Variants in ATG16L2 observed in about 807,000 individuals in gnomAD.
The protein encoded by ATG16L2 is autophagy related 16 like 2, also known as protein Atg16l2.
In ATG16L2, 77 loss-of-function variants were observed where a neutral mutation model predicts 84.7. That is an observed-to-expected ratio of 0.91 (90% CI 0.76 to 1.10). ATG16L2 has a LOEUF of 1.10. ATG16L2 is among the 50% of genes least tolerant of loss of function. The pLI, the probability that ATG16L2 is intolerant of heterozygous loss-of-function variation, is 0.00. For missense variants in ATG16L2, 782 were observed against 817.6 expected (o/e 0.96, Z 0.53); for synonymous variants, 361 against 342.8 (o/e 1.05, Z -0.59).
At position 72,826,721 on chromosome 11, in the gene ATG16L2, A is replaced by G; in HGVS notation, c.1264A>G (p.Lys422Glu). 6.2e-7 allele frequency: 1 copy of G among 1,614,114 alleles called. No homozygotes were observed. Among genetic ancestry groups the G allele is most frequent in the Non-Finnish European group, 8.5e-7 (1 of 1,180,004 alleles). ...AQSKETLSGH[K>E]DKVTAAKFKL... ...GGTACAGGAGACACTGTCTGGACAC[A>G]AGGATAAGGTGACAGCTGCCAAATT... is the stretch of plus-strand genomic sequence containing the variant. Residue 422 changes from lysine to glutamate, a missense_variant, in exon 13 of 18, where the codon AAG (lysine) becomes GAG (glutamate). Transcript: ENST00000321297.
intron 5 of ATG16L2, among the ~76,000 whole-genome samples, chr11:72,835,658 T>A (rs1183935573): frequency 1.3e-5 from 2 of 152,150 alleles, no homozygotes; most frequent in African/African-American, 2.4e-5. Context: ...AGGAAGCCAA[T>A]TTGGCAAAAT....
intron 5 of ATG16L2, chr11:72,841,416 G>A (rs368736333): frequency 3.3e-5 from 52 of 1,559,246 alleles, no homozygotes; most frequent in South Asian, 2.4e-4. Flanking sequence ...TTTCTGAAGT[G>A]AAAATGCATT....
chr11:72,822,141 C>A lies in ATG16L2; in HGVS notation c.490C>A (p.Arg164=). 1 of 1,500,638 alleles carries A rather than the reference C, an allele frequency of 6.7e-7. No homozygotes were observed. The highest frequency in any genetic ancestry group is 1.4e-5 in the African/African-American group (1 of 70,156). 93.0% of individuals were successfully genotyped at this position (1,500,638 alleles called of 1,614,324 possible). The change falls in exon 5 of 18, where the codon CGG becomes AGG. Residue 164 remains arginine, a synonymous_variant. Coordinates refer to ENST00000321297, the MANE Select transcript of ATG16L2 (RefSeq NM_033388.2). This position sits in a 1 kb window ranked among gnomAD's most constrained non-coding sequence, Gnocchi z 4.2. ...EEWRAQNAVQ[R]AAYEALRAHV... is the part of the protein sequence containing the mutation. Reference sequence around the variant, plus strand: ...GTGGCGGGCGCAGAATGCGGTGCAGCGGGCAGCCTACGAGGCGCTGCGCGC... The same window carrying A: ...GTGGCGGGCGCAGAATGCGGTGCAGAGGGCAGCCTACGAGGCGCTGCGCGC...
At position 72,825,310 on chromosome 11, in the gene ATG16L2, C is replaced by T; in HGVS notation, c.1005C>T (p.His335=). 1 of 1,613,430 alleles carries T rather than the reference C, an allele frequency of 6.2e-7. No individual in the cohort carries two copies. The highest frequency in any genetic ancestry group is 8.5e-7 in the Non-Finnish European group (1 of 1,179,876). The change falls in exon 10 of 18, where the codon CAC becomes CAT. Residue 335 remains histidine (H), a synonymous_variant. Coordinates refer to ENST00000321297, the MANE Select transcript of ATG16L2 (RefSeq NM_033388.2). ...PTRAQDVLDA[H]LSEVNAVRFG... ...CTCCCCTTTCCCCACAGGATGCCCA[C>T]CTCTCTGAGGTCAATGCTGTTCGTT...
rs1291412222 is a variant in ATG16L2, at chr11:72,826,730, G to A, written c.1273G>A (p.Val425Met). 1.2e-6 allele frequency: 2 copies of A among 1,614,138 alleles called. No homozygotes were observed. Among genetic ancestry groups the A allele is most frequent in the Non-Finnish European group, 1.7e-6 (2 of 1,180,022 alleles). Residue 425 changes from valine to methionine, a missense_variant, in exon 13 of 18, where the codon GTG becomes ATG. Transcript: ENST00000321297. ...KETLSGHKDK[V>M]TAAKFKLTRH... is the part of the protein sequence containing the mutation. ...GACACTGTCTGGACACAAGGATAAG[G>A]TGACAGCTGCCAAATTCAAGCTAAC...
At chr11:72,840,483 T>C (rs573541908) in intron 5 of ATG16L2, among the ~76,000 whole-genome samples, 120 of 152,344 alleles carry the variant, frequency 7.9e-4, no homozygotes, top group African/African-American at 2.8e-3. Context: ...ATAAACGCTC[T>C]TTAAGGCCAT....
chr11:72,821,268 T>G (rs1859975311), intron 3 of ATG16L2: 2 of 1,018,952 alleles, frequency 2.0e-6, no homozygotes, highest in Non-Finnish European at 2.4e-6. Flanking sequence ...GGGAACATCA[T>G]GGCGCCCGAG....
intron 8 of ATG16L2, 138 bp from the exon 9 acceptor site, chr11:72,824,596 G>A: frequency 2.9e-6 from 2 of 694,042 alleles, no homozygotes; most frequent in East Asian, 2.7e-5. Context: ...GTTGGGGAAT[G>A]CTCTCGCTGC....
intron 5 of ATG16L2, chr11:72,836,633 C>G (rs1300315270): frequency 6.6e-6 from 1 of 152,508 alleles, no homozygotes. Context: ...TTTCTCCTCT[C>G]TCTGTCTGTT....
chr11:72,829,562 C>T lies in ATG16L2; in HGVS notation c.*172C>T, dbSNP rs1032203254. The T allele has an allele frequency of 4.2e-5, 58 of 1,374,526 alleles. 1 individual carries two copies. The highest frequency in any genetic ancestry group is 1.6e-4 in the Admixed American group (5 of 31,370). The allele number at this position is 1,374,526 out of a possible 1,614,324, so 85.1% of individuals were successfully genotyped here. ...AAATGAAGTATGGGTTGGGGGATTA[C>T]GCTAGTTTTTCTTTGTATTTTTATC... is the stretch of plus-strand genomic sequence containing the variant. On this transcript the variant is annotated 3_prime_UTR_variant, in exon 18 of 18. Transcript: ENST00000321297.
intron 7 of ATG16L2, chr11:72,823,760 C>T (rs1565266365): frequency 1.9e-6 from 1 of 522,550 alleles, no homozygotes; most frequent in Non-Finnish European, 3.7e-6. Flanking sequence ...TCTCTCCTCC[C>T]TGTAGGCCCC....
At chr11:72,831,309 C>T (rs1160946222), downstream of ATG16L2, among the ~76,000 whole-genome samples, 1 of 152,324 alleles carries the variant, frequency 6.6e-6, no homozygotes, top group East Asian at 1.9e-4. Flanking sequence ...GAGTTCAAGA[C>T]CAACCTGAGC....
intron 3 of ATG16L2, chr11:72,818,552 A>G (rs541906595): frequency 1.3e-5 from 2 of 152,078 alleles, no homozygotes; most frequent in African/African-American, 4.8e-5. Flanking sequence ...CAGGCTCACC[A>G]TCTCCCCCAG....
chr11:72,822,425 G>T lies in ATG16L2; in HGVS notation c.645-53G>T. 6.2e-7 allele frequency: 1 copy of T among 1,610,820 alleles called. No homozygotes were observed. Among genetic ancestry groups the T allele is most frequent in the Non-Finnish European group, 8.5e-7 (1 of 1,178,512 alleles). ...GGAGGAAGGGACCGGGTCTAGCCCC[G>T]CCTGCGTGCGAGGCGCCGCGCCAGG... On this transcript the variant is annotated intron_variant, in intron 5 of 17. Coordinates refer to ENST00000321297, the MANE Select transcript of ATG16L2 (RefSeq NM_033388.2). This position sits in a 1 kb window ranked among gnomAD's most constrained non-coding sequence, Gnocchi z 4.2.
intron 2 of ATG16L2, 48 bp downstream of exon 2, chr11:72,816,875 C>A: frequency 6.7e-7 from 1 of 1,493,388 alleles, no homozygotes; most frequent in Non-Finnish European, 9.3e-7. Flanking sequence ...TGTGCTGGGG[C>A]CCTGCCCCTG....
At chr11:72,827,118 C>T (rs1860410346) in intron 13 of ATG16L2, 70 bp from the exon 14 acceptor site, 1 of 1,249,444 alleles carries the variant, frequency 8.0e-7, no homozygotes, top group Non-Finnish European at 1.2e-6. Context: ...CTCAGCTTCT[C>T]CATATGTCCT....
At position 72,822,099 on chromosome 11, in the gene ATG16L2, G is replaced by C; in HGVS notation, c.448G>C (p.Ala150Pro). ...GCTGCGAGAGGCGCGGGCGCAGCAG[G>C]CCCAGCAGGTGGAGGAGTGGCGGGC... ...AQLREARAQQ[A>P]QQVEEWRAQN... The change falls in exon 5 of 18, where the codon GCC becomes CCC. Residue 150 changes from alanine to proline, a missense_variant. Physicochemically the swap from Ala to Pro is conservative, Grantham distance 27. Coordinates refer to ENST00000321297, the MANE Select transcript of ATG16L2 (RefSeq NM_033388.2). This position sits in a 1 kb window ranked among gnomAD's most constrained non-coding sequence, Gnocchi z 4.2. The C allele has an allele frequency of 6.5e-7, 1 of 1,539,690 alleles. No homozygotes were observed. Among genetic ancestry groups the C allele is most frequent in the South Asian group, 1.2e-5 (1 of 84,372 alleles).
At position 72,821,659 on chromosome 11, in the gene ATG16L2, C is replaced by T. The variant is rs1212152071; in HGVS notation, c.319-9C>T. On this transcript the variant is annotated splice_polypyrimidine_tract_variant and intron_variant, in intron 3 of 17. Transcript: ENST00000321297. The stretch of plus-strand genomic sequence containing the variant: ...CTCAGCGCCGCCGTGCCCACCTGTC[C>T]GCCCCCAGATGGCCTACCAGGTGGT... The T allele has an allele frequency of 6.5e-7, 1 of 1,533,264 alleles. No homozygotes were observed. Among genetic ancestry groups the T allele is most frequent in the Non-Finnish European group, 8.7e-7 (1 of 1,144,476 alleles). The allele number at this position is 1,533,264 out of a possible 1,614,324, so 95.0% of individuals were successfully genotyped here.
Position 72,829,509 on chromosome 11 carries a change from C to A in ATG16L2, c.*119C>A. The A allele has an allele frequency of 6.9e-7, 1 of 1,441,352 alleles. No homozygotes were observed. The highest frequency in any genetic ancestry group is 9.1e-7 in the Non-Finnish European group (1 of 1,097,026). 89.3% of individuals were successfully genotyped at this position (1,441,352 alleles called of 1,614,324 possible). A position where few individuals can be genotyped will look rare whatever the true frequency, so the allele number is the denominator to read the frequency against. On this transcript the variant is annotated 3_prime_UTR_variant, in exon 18 of 18. Transcript: ENST00000321297. ...CCTTGGGATTTAATGGGGAAGAAGG[C>A]CTGGCAGGACCTGGCCTGTTTGTTT...
Sources: gnomAD v4.1 joint callset for allele counts (sites outside exome capture counted in the v4.1 genomes callset) on GRCh38, gnomAD v4.1.1 for gene constraint, Gnocchi (gnomAD v3.1) non-coding constraint, MANE v1.5 for transcripts, NCBI Gene and HGNC (gene_info 2026-07-23, HGNC 2026-07-21) for gene names.